ZRANB3: variants seen among roughly 807,000 people sequenced by gnomAD.
ZRANB3 encodes DNA annealing helicase and endonuclease ZRANB3.
A neutral mutation model predicts 133.8 loss-of-function variants in ZRANB3; 125 were observed. The observed-to-expected ratio is 0.93, with a 90% CI of 0.81 to 1.08. The LOEUF (loss-of-function observed/expected upper bound fraction) is 1.08, where lower values mean the gene tolerates loss of function less well. Among genes scored for constraint, ZRANB3 ranks in the 50% least tolerant of loss-of-function variants. The pLI is 0.00. For missense variants in ZRANB3, 1,229 were observed against 1,275.5 expected (o/e 0.96, Z 0.56); for synonymous variants, 387 against 432.7 (o/e 0.89, Z 1.31).
chr2:135,420,319 G>C (rs1688786700), intron 2 of ZRANB3, among the ~76,000 whole-genome samples: 1 of 151,490 alleles, frequency 6.6e-6, no homozygotes, highest in African/African-American at 2.4e-5. Flanking sequence ...ATAAATAAAG[G>C]CCATTTTATC....
At chr2:135,239,635 A>G (rs887350320) in intron 12 of ZRANB3, among the ~76,000 whole-genome samples, 1 of 152,248 alleles carries the variant, frequency 6.6e-6, no homozygotes, top group Non-Finnish European at 1.5e-5. Flanking sequence ...TCAGATAAAT[A>G]TAGAGAATGA....
chr2:135,295,424 T>G (rs1016860329), intron 8 of ZRANB3, among the ~76,000 whole-genome samples: 8 of 152,184 alleles, frequency 5.3e-5, no homozygotes, highest in African/African-American at 1.9e-4. Context: ...GTTTTCCATT[T>G]GCTTGGTAGA....
At chr2:135,341,482 G>A (rs1402150325) in intron 6 of ZRANB3, among the ~76,000 whole-genome samples, 1 of 149,890 alleles carries the variant, frequency 6.7e-6, no homozygotes, top group Non-Finnish European at 1.5e-5. Flanking sequence ...TGCATTATCT[G>A]CACAAATTGT....
intron 8 of ZRANB3, among the ~76,000 whole-genome samples, chr2:135,295,097 T>C (rs1406676456): frequency 6.6e-6 from 1 of 152,208 alleles, no homozygotes; most frequent in African/African-American, 2.4e-5. Context: ...GAGAGTTCTG[T>C]AGATGTCTAT....
At chr2:135,411,589 G>C (rs1688304178) in intron 2 of ZRANB3, among the ~76,000 whole-genome samples, 1 of 152,042 alleles carries the variant, frequency 6.6e-6, no homozygotes, top group African/African-American at 2.4e-5. Flanking sequence ...CCACAAAAAA[G>C]AACAAAACGA....
At chr2:135,321,927 G>C (rs1420957960) in intron 6 of ZRANB3, among the ~76,000 whole-genome samples, 2 of 152,022 alleles carry the variant, frequency 1.3e-5, no homozygotes. Context: ...GACATTTTAA[G>C]TTCTGATGAG....
At chr2:135,343,251 A>G (rs1455472998) in intron 6 of ZRANB3, among the ~76,000 whole-genome samples, 2 of 148,794 alleles carry the variant, frequency 1.3e-5, no homozygotes, top group Non-Finnish European at 2.9e-5. Flanking sequence ...TCCAGCACAT[A>G]TAGAGATGAT....
At chr2:135,455,728 A>T (rs187404728) in intron 2 of ZRANB3, among the ~76,000 whole-genome samples, 10 of 150,948 alleles carry the variant, frequency 6.6e-5, no homozygotes, top group Non-Finnish European at 1.3e-4. Context: ...AGTAGCTCAG[A>T]CTATAGGCGC....
chr2:135,380,229 C>G (rs1686628230), intron 3 of ZRANB3, among the ~76,000 whole-genome samples: 1 of 151,972 alleles, frequency 6.6e-6, no homozygotes, highest in Non-Finnish European at 1.5e-5. Flanking sequence ...TTTTAAAACC[C>G]CACTCACAAT....
At chr2:135,490,717 C>T (rs1692332920) in intron 2 of ZRANB3, among the ~76,000 whole-genome samples, 1 of 151,974 alleles carries the variant, frequency 6.6e-6, no homozygotes, top group African/African-American at 2.4e-5. Flanking sequence ...ACTCAATAGC[C>T]AAAATGTGTA....
chr2:135,318,366 A>G (rs926353115), intron 6 of ZRANB3, among the ~76,000 whole-genome samples: 3 of 151,920 alleles, frequency 2.0e-5, no homozygotes, highest in African/African-American at 7.3e-5. Flanking sequence ...CATATATAAA[A>G]TGGGAAGATC....
At chr2:135,382,641 C>G (rs1444383487) in intron 3 of ZRANB3, among the ~76,000 whole-genome samples, 1 of 152,186 alleles carries the variant, frequency 6.6e-6, no homozygotes, top group African/African-American at 2.4e-5. Flanking sequence ...CGGCGGATCT[C>G]TCGGCAGAAA....
At chr2:135,486,911 G>C (rs571764858) in intron 2 of ZRANB3, among the ~76,000 whole-genome samples, 1 of 152,286 alleles carries the variant, frequency 6.6e-6, no homozygotes, top group African/African-American at 2.4e-5. Context: ...CTCCTCCCAT[G>C]AATCATGAAT....
At chr2:135,384,231 C>T (rs537084807) in intron 3 of ZRANB3, among the ~76,000 whole-genome samples, 1 of 152,278 alleles carries the variant, frequency 6.6e-6, no homozygotes, top group African/African-American at 2.4e-5. Context: ...CGCAAATAAA[C>T]TAGGAAATCT....
intron 9 of ZRANB3, among the ~76,000 whole-genome samples, chr2:135,274,091 T>C (rs561416436): frequency 4.3e-4 from 65 of 152,356 alleles, no homozygotes; most frequent in Admixed American, 9.1e-4. Context: ...TTTTAATGTA[T>C]AGCACTTTAT....
At chr2:135,360,374 T>A (rs1685626183) in intron 3 of ZRANB3, among the ~76,000 whole-genome samples, 1 of 150,604 alleles carries the variant, frequency 6.6e-6, no homozygotes, top group Non-Finnish European at 1.5e-5. Flanking sequence ...AGAGTGAAAC[T>A]CCACCTCAAA....
At chr2:135,445,456 A>G (rs1038651364) in intron 2 of ZRANB3, among the ~76,000 whole-genome samples, 5 of 152,076 alleles carry the variant, frequency 3.3e-5, no homozygotes, top group Non-Finnish European at 4.4e-5. Context: ...AAATAAGTAA[A>G]TAAAGGGGAA....
chr2:135,306,739 C>T (rs1010560246), intron 8 of ZRANB3, among the ~76,000 whole-genome samples: 1 of 152,096 alleles, frequency 6.6e-6, no homozygotes, highest in Non-Finnish European at 1.5e-5. Flanking sequence ...TAAGCAAGCA[C>T]CACTACACCT....
chr2:135,287,670 C>CT (rs59739293), intron 8 of ZRANB3, among the ~76,000 whole-genome samples: 8,152 of 98,064 alleles, frequency 0.083, 885 homozygotes, highest in African/African-American at 0.26. Context: ...TATTTCTTTC[C>CT]TTTTTTTTTT....
Sources: gnomAD v4.1 joint callset for allele counts (sites outside exome capture counted in the v4.1 genomes callset) on GRCh38, gnomAD v4.1.1 for gene constraint, MANE v1.5 for transcripts, NCBI Gene and HGNC (gene_info 2026-07-23, HGNC 2026-07-21) for gene names.